COL27A1: variants seen among roughly 807,000 people sequenced by gnomAD.
COL27A1 encodes the protein collagen type XXVII alpha 1 chain.
In COL27A1, 106 loss-of-function variants were observed where a neutral mutation model predicts 251.3. That is an observed-to-expected ratio of 0.42 (90% CI 0.36 to 0.50). COL27A1 has a LOEUF of 0.50. COL27A1 is among the 20% of genes least tolerant of loss of function. The probability of loss-of-function intolerance (pLI) is 0.00; values close to 1 mark genes in which losing one functional copy is unlikely to be tolerated. For synonymous variants in COL27A1, 1,000 were observed against 986.3 expected (o/e 1.01, Z -0.26); for missense variants, 2,325 against 2,522.8 (o/e 0.92, Z 1.68).
chr9:114,222,093 C>T, intron 13 of COL27A1, 130 bp from the exon 14 acceptor site: 1 of 721,508 alleles, frequency 1.4e-6, no homozygotes, highest in Non-Finnish European at 2.4e-6. Context: ...TCGCTGGAGC[C>T]TGTGGTCAGG....
intron 14 of COL27A1, among the ~76,000 whole-genome samples, chr9:114,222,871 G>A (rs1831216149): frequency 6.6e-6 from 1 of 152,128 alleles, no homozygotes; most frequent in African/African-American, 2.4e-5. Context: ...ATCCTGGAGT[G>A]GCCATGAGGA....
At chr9:114,298,909 TA>T (rs1283706055) in intron 49 of COL27A1, among the ~76,000 whole-genome samples, 5 of 152,122 alleles carry the variant, frequency 3.3e-5, no homozygotes, top group Admixed American at 6.6e-5. Context: ...CTCTAATATA[TA>T]AAGAACCCTT....
Position 114,290,831 on chromosome 9 carries a change from G to A in COL27A1, c.4390G>A (p.Asp1464Asn), listed in dbSNP as rs1258782985. Reference protein sequence around the residue: ...GQQGEQGDDGDPGPMGPAGKR... With the variant: ...GQQGEQGDDGNPGPMGPAGKR... ...ACAGGGGGAGCAGGGAGACGATGGG[G>A]ACCCTGGCCCCATGGGCCCTGCTGG... The change falls in exon 48 of 61, where the codon GAC (aspartate) becomes AAC (asparagine). Residue 1464 changes from aspartate to asparagine, a missense_variant. Coordinates refer to ENST00000356083, the MANE Select transcript of COL27A1 (RefSeq NM_032888.4). The surrounding 1 kb of genome is among the most constrained non-coding windows in gnomAD (Gnocchi z 4.6). The A allele has an allele frequency of 1.3e-6, 2 of 1,550,612 alleles. No homozygotes were observed. The highest frequency in any genetic ancestry group is 2.0e-5 in the Admixed American group (1 of 50,776).
Position 114,166,862 on chromosome 9 carries a change from C to T in COL27A1, c.134-827C>T, listed in dbSNP as rs559269637. 7.9e-5 allele frequency among the ~76,000 whole-genome samples: 12 copies of T among 152,330 alleles called. 1 individual carries two copies. The highest frequency in any genetic ancestry group is 4.1e-4 in the South Asian group (2 of 4,824). On this transcript the variant is annotated intron_variant, in intron 2 of 60. Coordinates refer to ENST00000356083, the MANE Select transcript of COL27A1 (RefSeq NM_032888.4). Reference sequence around the variant, plus strand: ...GCCAGACCACAGTCAGATATCCATACGCTTTGCCAGGGGACAGAGGTTGCA... The same window carrying T: ...GCCAGACCACAGTCAGATATCCATATGCTTTGCCAGGGGACAGAGGTTGCA...
At chr9:114,167,660 C>T (rs775586585) in intron 2 of COL27A1, 29 bp from the exon 3 acceptor site, 66 of 1,573,714 alleles carry the variant, frequency 4.2e-5, no homozygotes, top group Non-Finnish European at 5.2e-5. Context: ...GCCCTGACTG[C>T]GTCCTCTCCC....
At chr9:114,198,427 C>G (rs1318531285) in intron 7 of COL27A1, among the ~76,000 whole-genome samples, 1 of 152,190 alleles carries the variant, frequency 6.6e-6, no homozygotes, top group Non-Finnish European at 1.5e-5. Flanking sequence ...TGGCTCCCAG[C>G]TGGGGAGCTC....
chr9:114,278,547 T>C (rs1463656436), intron 37 of COL27A1, among the ~76,000 whole-genome samples: 6 of 137,252 alleles, frequency 4.4e-5, no homozygotes, highest in African/African-American at 1.8e-4. Flanking sequence ...GTGATGGTAG[T>C]AGTGATGGCA....
chr9:114,230,995 G>A, intron 14 of COL27A1, 84 bp from the exon 15 acceptor site: 2 of 1,160,390 alleles, frequency 1.7e-6, no homozygotes, highest in Non-Finnish European at 2.5e-6. Flanking sequence ...CAGGCCCAGG[G>A]ACCTTGGGGA....
intron 57 of COL27A1, among the ~76,000 whole-genome samples, chr9:114,305,503 A>G (rs1017885679): frequency 6.6e-6 from 1 of 152,180 alleles, no homozygotes; most frequent in African/African-American, 2.4e-5. Flanking sequence ...TCCGTTTATC[A>G]AGCACCTCCT....
intron 4 of COL27A1, among the ~76,000 whole-genome samples, chr9:114,180,743 C>T (rs1827839492): frequency 1.3e-5 from 2 of 152,192 alleles, no homozygotes; most frequent in African/African-American, 4.8e-5. Flanking sequence ...CCCCACCTGG[C>T]TTTCTAGGCT....
At chr9:114,205,628 C>T in intron 8 of COL27A1, 131 bp from the exon 9 acceptor site, 1 of 859,508 alleles carries the variant, frequency 1.2e-6, no homozygotes, top group Non-Finnish European at 1.9e-6. Context: ...GGGCCCTCCC[C>T]TTCCTCCTGT....
intron 57 of COL27A1, chr9:114,306,130 A>G: frequency 5.7e-6 from 1 of 174,862 alleles, no homozygotes; most frequent in Non-Finnish European, 1.2e-5. Flanking sequence ...AGGGGAGCCC[A>G]GTGGGGGCTG....
At chr9:114,219,377 A>T (rs1278639458) in intron 12 of COL27A1, among the ~76,000 whole-genome samples, 1 of 152,216 alleles carries the variant, frequency 6.6e-6, no homozygotes, top group Non-Finnish European at 1.5e-5. Flanking sequence ...ACGTGCCACA[A>T]TCAGAGAAGG....
intron 14 of COL27A1, among the ~76,000 whole-genome samples, chr9:114,228,876 C>T (rs1323974946): frequency 1.3e-5 from 2 of 151,922 alleles, no homozygotes; most frequent in African/African-American, 2.4e-5. Context: ...GGCTGGAGTT[C>T]AATGACGCTA....
intron 35 of COL27A1, among the ~76,000 whole-genome samples, chr9:114,269,813 A>C (rs1835012262): frequency 6.6e-6 from 1 of 152,086 alleles, no homozygotes; most frequent in Non-Finnish European, 1.5e-5. Context: ...GATACCTGCC[A>C]TGGGTACAAG....
chr9:114,273,758 G>C (rs1835306521), intron 36 of COL27A1: 1 of 152,352 alleles, frequency 6.6e-6, no homozygotes, highest in South Asian at 2.1e-4. Flanking sequence ...CCCCTCAGCA[G>C]CCATGCCCGT....
intron 36 of COL27A1, among the ~76,000 whole-genome samples, chr9:114,274,852 T>A (rs1323592300): frequency 5.3e-5 from 8 of 152,134 alleles, no homozygotes; most frequent in Non-Finnish European, 4.4e-5. Flanking sequence ...GTTTTTGTCA[T>A]CGAGGATTGA....
chr9:114,180,899 T>C (rs1009313826), intron 4 of COL27A1, among the ~76,000 whole-genome samples: 10 of 152,208 alleles, frequency 6.6e-5, no homozygotes, highest in African/African-American at 2.2e-4. Context: ...CTGAGTGCTC[T>C]GGCCCACCAT....
intron 48 of COL27A1, among the ~76,000 whole-genome samples, chr9:114,291,777 G>A (rs1242876429): frequency 2.6e-5 from 4 of 152,056 alleles, no homozygotes; most frequent in African/African-American, 4.8e-5. Flanking sequence ...AATAAATGGG[G>A]AGGAGGCATT....
Sources: allele counts gnomAD v4.1 joint callset (sites outside exome capture counted in the v4.1 genomes callset), GRCh38; gene constraint gnomAD v4.1.1; non-coding constraint Gnocchi (gnomAD v3.1); transcripts MANE v1.5; gene names NCBI Gene and HGNC (gene_info 2026-07-23, HGNC 2026-07-21).